The following CSMD3 variants were observed in gnomAD, a reference collection of about 807,000 sequenced individuals.
CSMD3 encodes the protein CUB and sushi domain-containing protein 3.
In CSMD3, 177 loss-of-function variants were observed where a neutral mutation model predicts 435.2. The observed-to-expected ratio is 0.41, with a 90% CI of 0.36 to 0.46. The LOEUF (loss-of-function observed/expected upper bound fraction) is 0.46. Among genes scored for constraint, CSMD3 ranks in the 20% least tolerant of loss-of-function variants. The probability of loss-of-function intolerance (pLI) is 0.34; values close to 1 mark genes in which losing one functional copy is unlikely to be tolerated. For synonymous variants in CSMD3, 1,656 were observed against 1,520.5 expected (o/e 1.09, Z -2.07); for missense variants, 4,265 against 4,504.6 (o/e 0.95, Z 1.52).
chr8:112,627,724 A>G (rs1369493732), intron 22 of CSMD3, among the ~76,000 whole-genome samples: 3 of 152,308 alleles, frequency 2.0e-5, no homozygotes, highest in African/African-American at 4.8e-5. Flanking sequence ...ATGAGAATCA[A>G]TGAAACCCTC....
chr8:112,547,953 G>GA (rs1445585848), intron 27 of CSMD3, among the ~76,000 whole-genome samples: 2 of 152,128 alleles, frequency 1.3e-5, no homozygotes, highest in Non-Finnish European at 2.9e-5. Flanking sequence ...TGGGTAGGAT[G>GA]AAATAGATTT....
chr8:112,350,303 T>A (rs1368518081), intron 40 of CSMD3, among the ~76,000 whole-genome samples: 1 of 146,492 alleles, frequency 6.8e-6, no homozygotes, highest in Non-Finnish European at 1.5e-5. Context: ...TGACTTGGGC[T>A]CTTTCTCCAA....
intron 2 of CSMD3, chr8:113,310,540 A>T (rs2132648234): frequency 6.6e-6 from 1 of 152,036 alleles, no homozygotes; most frequent in South Asian, 2.1e-4. Flanking sequence ...ACAAAAAATA[A>T]ATTACAGGAG....
chr8:113,208,072 C>A (rs530007265), intron 3 of CSMD3, among the ~76,000 whole-genome samples: 1 of 152,124 alleles, frequency 6.6e-6, no homozygotes, highest in Non-Finnish European at 1.5e-5. Flanking sequence ...GCAATAACTG[C>A]ATTTTAACAG....
At chr8:112,582,111 G>A (rs924432364) in intron 23 of CSMD3, among the ~76,000 whole-genome samples, 2 of 152,006 alleles carry the variant, frequency 1.3e-5, no homozygotes, top group South Asian at 2.1e-4. Flanking sequence ...CAGAACCTTC[G>A]TGAATGGTTT....
chr8:113,328,229 G>C (rs1396282046), intron 1 of CSMD3, among the ~76,000 whole-genome samples: 2 of 151,660 alleles, frequency 1.3e-5, no homozygotes, highest in Admixed American at 1.3e-4. Flanking sequence ...ACGAGGTCAG[G>C]AGATCGAGAC....
intron 13 of CSMD3, among the ~76,000 whole-genome samples, chr8:112,727,548 G>A (rs2076991650): frequency 6.6e-6 from 1 of 151,544 alleles, no homozygotes; most frequent in Admixed American, 6.6e-5. Context: ...CAGTTTAAAT[G>A]GCATAATTTT....
At position 112,937,059 on chromosome 8, in the gene CSMD3, C is replaced by T. The variant is rs149440751; in HGVS notation, c.1508+10731G>A. The stretch of plus-strand genomic sequence containing the variant: ...TGTAGAAAATGTGATAAGGTGTGCA[C>T]AGGGTATTAGGCTTTGTTATTCATG... On this transcript the variant is annotated intron_variant, in intron 9 of 70. Coordinates refer to ENST00000297405, the MANE Select transcript of CSMD3 (RefSeq NM_198123.2). Among the ~76,000 whole-genome samples the T allele has an allele frequency of 1.9e-4, 29 of 152,096 alleles. No individual in the cohort carries two copies. In the East Asian group the frequency reaches 5.6e-3, roughly 29 times the overall value.
intron 13 of CSMD3, among the ~76,000 whole-genome samples, chr8:112,725,411 G>C (rs901054642): frequency 8.0e-6 from 1 of 124,338 alleles, no homozygotes; most frequent in Non-Finnish European, 1.8e-5. Flanking sequence ...TCTGGTAGTA[G>C]ATATGGCATA....
chr8:112,271,744 C>A (rs1369543463), intron 59 of CSMD3, among the ~76,000 whole-genome samples: 1 of 152,084 alleles, frequency 6.6e-6, no homozygotes, highest in African/African-American at 2.4e-5. Flanking sequence ...CAAATCCGAA[C>A]AAATGGTAAA....
intron 22 of CSMD3, among the ~76,000 whole-genome samples, chr8:112,592,828 C>A (rs139630988): frequency 6.6e-6 from 1 of 152,070 alleles, no homozygotes; most frequent in Non-Finnish European, 1.5e-5. Context: ...GGGGATAGGT[C>A]CTCTTCCTCA....
chr8:113,047,909 C>T (rs2087905595), intron 5 of CSMD3, among the ~76,000 whole-genome samples: 1 of 152,030 alleles, frequency 6.6e-6, no homozygotes, highest in African/African-American at 2.4e-5. Context: ...CAGAATACTA[C>T]TGTAACTTCT....
intron 13 of CSMD3, among the ~76,000 whole-genome samples, chr8:112,778,439 T>C (rs966067600): frequency 1.3e-5 from 2 of 151,958 alleles, no homozygotes; most frequent in African/African-American, 4.8e-5. Flanking sequence ...TTCCAGAACA[T>C]CATATAGTTG....
At chr8:112,474,730 A>T (rs950628235) in intron 31 of CSMD3, among the ~76,000 whole-genome samples, 1 of 152,188 alleles carries the variant, frequency 6.6e-6, no homozygotes, top group Non-Finnish European at 1.5e-5. Context: ...ATTTGTAATT[A>T]ATTATTGATC....
intron 3 of CSMD3, among the ~76,000 whole-genome samples, chr8:113,215,262 A>C (rs938184011): frequency 6.6e-6 from 1 of 151,942 alleles, no homozygotes; most frequent in Non-Finnish European, 1.5e-5. Flanking sequence ...TTTCAAAATT[A>C]AGCCAAGGCA....
At position 112,245,787 on chromosome 8, in the gene CSMD3, C is replaced by T. The variant is rs371563226; in HGVS notation, c.10223-1214G>A. ...TCCTGACCTCAAGTGATCTGCCCAC[C>T]TCGGCCTCCCAAAGTGCTAGGATTA... On this transcript the variant is annotated intron_variant, in intron 64 of 70. Coordinates refer to ENST00000297405, the MANE Select transcript of CSMD3 (RefSeq NM_198123.2). Among the ~76,000 whole-genome samples the T allele has an allele frequency of 1.1e-4, 17 of 152,300 alleles. No homozygotes were observed. In the East Asian group the frequency reaches 1.7e-3, roughly 16 times the overall value.
At chr8:112,543,157 T>TA (rs905561951) in intron 27 of CSMD3, among the ~76,000 whole-genome samples, 7 of 151,370 alleles carry the variant, frequency 4.6e-5, no homozygotes, top group South Asian at 2.1e-4. Context: ...CAGAAGGAAA[T>TA]AAAAAAAAGA....
intron 16 of CSMD3, among the ~76,000 whole-genome samples, chr8:112,672,086 T>A (rs919241821): frequency 3.9e-5 from 6 of 152,086 alleles, no homozygotes; most frequent in African/African-American, 1.4e-4. Context: ...TGAAACATGA[T>A]AAGTACATGC....
chr8:112,761,160 T>G (rs1279582010), intron 13 of CSMD3, among the ~76,000 whole-genome samples: 3 of 152,146 alleles, frequency 2.0e-5, no homozygotes, highest in East Asian at 3.9e-4. Context: ...TAGAGCCAAC[T>G]CGAGATGTAG....
Sources: allele counts gnomAD v4.1 joint callset (sites outside exome capture counted in the v4.1 genomes callset), GRCh38; gene constraint gnomAD v4.1.1; transcripts MANE v1.5; gene names NCBI Gene and HGNC (gene_info 2026-07-23, HGNC 2026-07-21).